FRMD4B: variants seen among roughly 807,000 people sequenced by gnomAD.
FRMD4B encodes FERM domain containing 4B, also known as FERM domain-containing protein 4B.
A neutral mutation model predicts 141.5 loss-of-function variants in FRMD4B; 74 were observed. The ratio of observed to expected loss-of-function variants is 0.52; its 90% CI spans 0.43 to 0.63. FRMD4B has a LOEUF of 0.63. FRMD4B is among the 30% of genes least tolerant of loss of function. The pLI, the probability that FRMD4B is intolerant of heterozygous loss-of-function variation, is 0.00. For missense variants in FRMD4B, 1,366 were observed against 1,253.4 expected (o/e 1.09, Z -1.36); for synonymous variants, 506 against 467.9 (o/e 1.08, Z -1.05).
chr3:69,257,096 A>G (rs985183240), intron 5 of FRMD4B, among the ~76,000 whole-genome samples: 17 of 152,352 alleles, frequency 1.1e-4, no homozygotes, highest in African/African-American at 3.6e-4. Context: ...ACACCACCAG[A>G]TGTCCTCAGA....
At chr3:69,212,381 G>A (rs112511279) in intron 11 of FRMD4B, among the ~76,000 whole-genome samples, 9,248 of 91,016 alleles carry the variant, frequency 0.1, 72 homozygotes, top group Middle Eastern at 0.15. Context: ...AAAAAAAAAA[G>A]AAAAAAAAAA....
chr3:69,327,294 A>G (rs181563400), intron 1 of FRMD4B, among the ~76,000 whole-genome samples: 1 of 152,362 alleles, frequency 6.6e-6, no homozygotes, highest in Non-Finnish European at 1.5e-5. Context: ...AAAAGTCTCA[A>G]GTGTAACTTG....
intron 2 of FRMD4B, among the ~76,000 whole-genome samples, chr3:69,415,051 A>G (rs1704832291): frequency 6.6e-6 from 1 of 151,468 alleles, no homozygotes; most frequent in Non-Finnish European, 1.5e-5. Context: ...TTTTTAGTGG[A>G]GATGGGGTTT....
At chr3:69,283,699 T>C (rs534296293) in intron 5 of FRMD4B, among the ~76,000 whole-genome samples, 3 of 152,296 alleles carry the variant, frequency 2.0e-5, no homozygotes, top group African/African-American at 7.2e-5. Context: ...GATAGCCAAC[T>C]GTGGTTTATG....
rs1175694468 is a variant in FRMD4B, at chr3:69,520,640, C to T, written c.-129+21566G>A. Reference sequence around the variant, plus strand: ...ACCCTTGGCCAAAAGGGGACAAGAGCCCATGGAAAAATATTCTTTTTTTCT... The same window carrying T: ...ACCCTTGGCCAAAAGGGGACAAGAGTCCATGGAAAAATATTCTTTTTTTCT... On this transcript the variant is annotated intron_variant, in intron 1 of 5. Transcript: ENST00000459638. 5.3e-5 allele frequency among the ~76,000 whole-genome samples: 8 copies of T among 151,816 alleles called. No individual in the cohort carries two copies. The East Asian group carries it at 1.6e-3, about 30-fold the overall frequency.
intron 4 of FRMD4B, among the ~76,000 whole-genome samples, chr3:69,293,687 C>T (rs1448372895): frequency 1.3e-5 from 2 of 151,882 alleles, no homozygotes; most frequent in Admixed American, 6.6e-5. Context: ...TCGAGACCAG[C>T]CTGGCCATCA....
At chr3:69,272,237 G>C (rs796594070) in intron 5 of FRMD4B, among the ~76,000 whole-genome samples, 6 of 152,218 alleles carry the variant, frequency 3.9e-5, no homozygotes, top group African/African-American at 1.4e-4. Flanking sequence ...TACCACCTGG[G>C]TTCAAGTGAT....
intron 1 of FRMD4B, among the ~76,000 whole-genome samples, chr3:69,330,821 G>C (rs7610748): frequency 0.14 from 21,997 of 152,130 alleles, 2,132 homozygotes; most frequent in African/African-American, 0.26. Context: ...ATTGCTAGAT[G>C]CCTCCCAGTT....
intron 1 of FRMD4B, among the ~76,000 whole-genome samples, chr3:69,327,924 T>A (rs1702235556): frequency 6.6e-6 from 1 of 152,248 alleles, no homozygotes; most frequent in South Asian, 2.1e-4. Context: ...GGCTGTGTTT[T>A]TAAATGGGAT....
intron 7 of FRMD4B, among the ~76,000 whole-genome samples, chr3:69,245,219 T>G (rs547903035): frequency 6.6e-6 from 1 of 152,200 alleles, no homozygotes; most frequent in African/African-American, 2.4e-5. Flanking sequence ...AGGTAATAAG[T>G]AGCCAAGCTG....
chr3:69,235,924 G>T (rs1305402849), intron 7 of FRMD4B, among the ~76,000 whole-genome samples: 4 of 152,204 alleles, frequency 2.6e-5, no homozygotes. Flanking sequence ...AGAGGGGACA[G>T]GAAATAGGGA....
In FRMD4B at chr3:69,373,967, C is replaced by T. The variant is rs1416944883; in HGVS notation, c.162+11861G>A. Among the ~76,000 whole-genome samples, 3 of 152,136 alleles carry T rather than the reference C, an allele frequency of 2.0e-5. No homozygotes were observed. The South Asian group carries it at 6.2e-4, about 32-fold the overall frequency. ...TAATCTTGTTTTGTCCCCTCACCAA[C>T]CCTGGTAGGTAGGCACTATTATTTC... On this transcript the variant is annotated intron_variant, in intron 1 of 22. Coordinates refer to ENST00000398540, the MANE Select transcript of FRMD4B (RefSeq NM_015123.3).
chr3:69,498,439 T>TGAGA (rs567977140), intron 1 of FRMD4B, among the ~76,000 whole-genome samples: 1 of 151,122 alleles, frequency 6.6e-6, no homozygotes, highest in Non-Finnish European at 1.5e-5. Flanking sequence ...TGTGTGTGCA[T>TGAGA]GAGAGAGAGA....
intron 4 of FRMD4B, among the ~76,000 whole-genome samples, chr3:69,295,740 G>A (rs2107128900): frequency 6.6e-6 from 1 of 152,304 alleles, no homozygotes; most frequent in East Asian, 1.9e-4. Flanking sequence ...CTGCTGCAGT[G>A]AAACCTTGCA....
At chr3:69,259,605 T>C (rs1281663282) in intron 5 of FRMD4B, among the ~76,000 whole-genome samples, 2 of 152,248 alleles carry the variant, frequency 1.3e-5, no homozygotes, top group Non-Finnish European at 2.9e-5. Flanking sequence ...TCAAGTTTTA[T>C]ATAGTTCCAT....
intron 5 of FRMD4B, among the ~76,000 whole-genome samples, chr3:69,252,073 T>C (rs998092075): frequency 5.3e-5 from 8 of 152,184 alleles, no homozygotes; most frequent in Non-Finnish European, 1.0e-4. Flanking sequence ...CCAACTCCTC[T>C]GACATCCCAC....
Position 69,187,923 on chromosome 3 carries a change from A to G in FRMD4B, c.1772-6T>C, listed in dbSNP as rs763891456. The G allele has an allele frequency of 1.4e-5, 22 of 1,527,710 alleles. No individual in the cohort carries two copies. The highest frequency in any genetic ancestry group is 3.6e-6 in the Non-Finnish European group (4 of 1,119,748). 94.6% of individuals were successfully genotyped at this position (1,527,710 alleles called of 1,614,324 possible). A position where few individuals can be genotyped will look rare whatever the true frequency, so the allele number is the denominator to read the frequency against. ...AAAAGTGAAGGCATCACTGGCTATAATAAGTAAATGGGTGAATGAAAAAAT... is the reference window on the plus strand; with the variant it reads ...AAAAGTGAAGGCATCACTGGCTATAGTAAGTAAATGGGTGAATGAAAAAAT... On this transcript the variant is annotated splice_polypyrimidine_tract_variant and splice_region_variant and intron_variant, in intron 18 of 22. Coordinates refer to ENST00000398540, the MANE Select transcript of FRMD4B (RefSeq NM_015123.3).
intron 5 of FRMD4B, among the ~76,000 whole-genome samples, chr3:69,268,671 G>A (rs981423976): frequency 3.3e-5 from 5 of 151,910 alleles, no homozygotes; most frequent in African/African-American, 1.2e-4. Context: ...GAATCAGGAG[G>A]AAGAAAATTA....
rs200956950 is a variant in FRMD4B at position 69,385,980 on chromosome 3, C to A, written c.10G>T (p.Val4Leu). The A allele has an allele frequency of 6.3e-7, 1 of 1,594,068 alleles. No homozygotes were observed. Among genetic ancestry groups the A allele is most frequent in the Non-Finnish European group, 8.6e-7 (1 of 1,169,194 alleles). MAS[V>L]FMCGVEDLLF... is the part of the protein sequence containing the mutation. ...AGGTCCTCCACGCCACACATGAACA[C>A]CGAAGCCATGCCTCCTCCTTCGCTC... Residue 4 changes from valine to leucine, a missense_variant, in exon 1 of 23, where the codon GTG (valine) becomes TTG (leucine). By Grantham distance (32) the Val-to-Leu change is conservative. Transcript: ENST00000398540.
Sources: allele counts gnomAD v4.1 joint callset (sites outside exome capture counted in the v4.1 genomes callset), GRCh38; gene constraint gnomAD v4.1.1; transcripts MANE v1.5; gene names NCBI Gene and HGNC (gene_info 2026-07-23, HGNC 2026-07-21).